TACR1: variants seen among roughly 807,000 people sequenced by gnomAD.
TACR1 encodes the protein tachykinin receptor 1, also known as substance-P receptor.
Under a neutral mutation model 35.8 loss-of-function variants are expected in TACR1, and 25 were observed. The ratio of observed to expected loss-of-function variants is 0.70; its 90% CI spans 0.51 to 0.98. The LOEUF is 0.98. Ranked by LOEUF, TACR1 falls within the 50% of genes least tolerant of loss-of-function variation. The pLI, the probability that TACR1 is intolerant of heterozygous loss-of-function variation, is 0.00. For synonymous variants in TACR1, 195 were observed against 206.7 expected (o/e 0.94, Z 0.48); for missense variants, 478 against 522.9 (o/e 0.91, Z 0.84).
intron 4 of TACR1, 29 bp from the exon 5 acceptor site, chr2:75,049,752 C>A (rs201928733): frequency 2.5e-6 from 4 of 1,596,816 alleles, no homozygotes; most frequent in Non-Finnish European, 3.4e-6. Context: ...AAGAGGTGAC[C>A]CTTTGGGACG....
At chr2:75,186,227 C>T (rs1022098372) in intron 1 of TACR1, among the ~76,000 whole-genome samples, 4 of 151,876 alleles carry the variant, frequency 2.6e-5, no homozygotes, top group Admixed American at 6.5e-5. Context: ...CAAAAATTAG[C>T]TGGGTTTGGT....
chr2:75,065,674 C>T (rs1318419978), intron 2 of TACR1, among the ~76,000 whole-genome samples: 2 of 152,166 alleles, frequency 1.3e-5, no homozygotes, highest in Non-Finnish European at 1.5e-5. Context: ...GAAGCTTGTA[C>T]TTTATCCTTC....
chr2:75,068,075 C>A (rs993559532), intron 2 of TACR1, among the ~76,000 whole-genome samples: 3 of 152,122 alleles, frequency 2.0e-5, no homozygotes, highest in Non-Finnish European at 4.4e-5. Context: ...GAAACAGAGC[C>A]AATAGGAGAT....
intron 2 of TACR1, among the ~76,000 whole-genome samples, chr2:75,107,828 G>A (rs1673679970): frequency 6.6e-6 from 1 of 151,732 alleles, no homozygotes; most frequent in Admixed American, 6.6e-5. Context: ...ACTTAGGTAG[G>A]GGGAGAAAAA....
intron 1 of TACR1, among the ~76,000 whole-genome samples, chr2:75,125,221 T>A (rs888196283): frequency 1.3e-5 from 2 of 152,160 alleles, no homozygotes; most frequent in African/African-American, 4.8e-5. Context: ...TCTCGCTCTG[T>A]TGCCCAGACT....
intron 1 of TACR1, among the ~76,000 whole-genome samples, chr2:75,123,285 C>T (rs912384368): frequency 2.0e-5 from 3 of 152,148 alleles, no homozygotes; most frequent in Non-Finnish European, 2.9e-5. Flanking sequence ...GTGGTAATTA[C>T]ATTGCCCTCT....
chr2:75,148,967 A>G (rs962784188), intron 1 of TACR1, among the ~76,000 whole-genome samples: 3 of 152,174 alleles, frequency 2.0e-5, no homozygotes, highest in Admixed American at 6.5e-5. Context: ...AGCACCATTT[A>G]TTAGATAGGG....
At chr2:75,104,210 G>A (rs1673596687) in intron 2 of TACR1, among the ~76,000 whole-genome samples, 1 of 151,898 alleles carries the variant, frequency 6.6e-6, no homozygotes, top group South Asian at 2.1e-4. Flanking sequence ...AAAGTGAAGG[G>A]GTAGAAAAAG....
intron 1 of TACR1, among the ~76,000 whole-genome samples, chr2:75,162,352 A>C (rs1675030622): frequency 6.6e-6 from 1 of 152,238 alleles, no homozygotes; most frequent in Non-Finnish European, 1.5e-5. Flanking sequence ...GAATCTTTAA[A>C]AAATGTGTTA....
intron 1 of TACR1, among the ~76,000 whole-genome samples, chr2:75,159,780 T>C (rs1674956556): frequency 6.6e-6 from 1 of 152,176 alleles, no homozygotes; most frequent in Non-Finnish European, 1.5e-5. Flanking sequence ...TGCTTATACC[T>C]AGAGGGTCTG....
At chr2:75,133,863 A>G (rs1031946707) in intron 1 of TACR1, among the ~76,000 whole-genome samples, 1 of 152,232 alleles carries the variant, frequency 6.6e-6, no homozygotes, top group African/African-American at 2.4e-5. Flanking sequence ...GGCACAAGCT[A>G]CAAGATACAG....
At chr2:75,055,000 C>G (rs1295648555) in intron 2 of TACR1, among the ~76,000 whole-genome samples, 1 of 152,132 alleles carries the variant, frequency 6.6e-6, no homozygotes, top group African/African-American at 2.4e-5. Flanking sequence ...TTAATTTTCC[C>G]AAATTCACAG....
chr2:75,082,630 G>A (rs1484596412), intron 2 of TACR1, among the ~76,000 whole-genome samples: 21 of 152,228 alleles, frequency 1.4e-4, no homozygotes, highest in Admixed American at 3.3e-4. Flanking sequence ...ACTGGTGTGA[G>A]ATGATATCTC....
intron 1 of TACR1, among the ~76,000 whole-genome samples, chr2:75,137,553 A>G (rs561881797): frequency 1.4e-4 from 21 of 151,928 alleles, no homozygotes; most frequent in South Asian, 6.3e-4. Context: ...GTGAAACCCC[A>G]TCTCTACTAA....
Position 75,050,137 on chromosome 2 carries a change from G to T in TACR1, c.933-414C>A, listed in dbSNP as rs183225114. Among the ~76,000 whole-genome samples, 6 of 152,302 alleles carry T rather than the reference G, an allele frequency of 3.9e-5. No individual in the cohort carries two copies. In the East Asian group the frequency reaches 1.2e-3, roughly 29 times the overall value. On this transcript the variant is annotated intron_variant, in intron 4 of 4. Coordinates refer to ENST00000305249, the MANE Select transcript of TACR1 (RefSeq NM_001058.4). ...AAGATTCAGTCCTTCCCCTCGAGTAGCCTGTTAACTGAAGGAGGACTCTCT... is the reference window on the plus strand; with the variant it reads ...AAGATTCAGTCCTTCCCCTCGAGTATCCTGTTAACTGAAGGAGGACTCTCT...
chr2:75,159,115 C>T (rs1450505355), intron 1 of TACR1, among the ~76,000 whole-genome samples: 2 of 151,662 alleles, frequency 1.3e-5, no homozygotes, highest in Admixed American at 1.3e-4. Flanking sequence ...GCCAAAGTAG[C>T]TAATTTTGTA....
At chr2:75,098,986 C>T (rs1354633798) in intron 2 of TACR1, among the ~76,000 whole-genome samples, 1 of 151,722 alleles carries the variant, frequency 6.6e-6, no homozygotes, top group Non-Finnish European at 1.5e-5. Context: ...GGTTCTCCTG[C>T]TCCTCCGTGC....
At position 75,198,564 on chromosome 2, in the gene TACR1, G is replaced by A. The variant is rs138993766; in HGVS notation, c.371C>T (p.Thr124Met). 3.6e-5 allele frequency: 58 copies of A among 1,613,470 alleles called. No homozygotes were observed. In the African/African-American group the frequency reaches 4.8e-4, roughly 13 times the overall value. ...ATCTCACCTATCAAAGGCCACAGCC[G>A]TCATGGAGTAGATACTGGCGAAGAC... ...AAVFASIYSM[T>M]AVAFDRYMAI... The change falls in exon 1 of 5, where the codon ACG becomes ATG. Residue 124 changes from threonine (T) to methionine (M), a missense_variant. By Grantham distance (81) the Thr-to-Met change is moderately conservative (BLOSUM62 -1). Transcript: ENST00000305249.
intron 1 of TACR1, among the ~76,000 whole-genome samples, chr2:75,193,766 T>G (rs1015945013): frequency 1.3e-5 from 2 of 152,180 alleles, no homozygotes; most frequent in Non-Finnish European, 2.9e-5. Context: ...AGGATGTCCC[T>G]CCTCTTGTCT....
Sources: allele counts gnomAD v4.1 joint callset (sites outside exome capture counted in the v4.1 genomes callset), GRCh38; gene constraint gnomAD v4.1.1; transcripts MANE v1.5; gene names NCBI Gene and HGNC (gene_info 2026-07-23, HGNC 2026-07-21).